Variants in ABCG2 observed in about 807,000 individuals in gnomAD.
ABCG2 encodes ATP binding cassette subfamily G member 2 (JR blood group).
ABCG2 carries 80 observed loss-of-function variants against 73.5 expected under a neutral mutation model. The observed-to-expected ratio is 1.09, with a 90% CI of 0.91 to 1.31. The LOEUF is 1.31. ABCG2 is among the 50% of genes most tolerant of loss of function. The pLI, the probability that ABCG2 is intolerant of heterozygous loss-of-function variation, is 0.00. For missense variants in ABCG2, 796 were observed against 786.2 expected (o/e 1.01, Z -0.15); for synonymous variants, 269 against 282.4 (o/e 0.95, Z 0.48).
intron 1 of ABCG2, among the ~76,000 whole-genome samples, chr4:88,172,653 T>C (rs764693824): frequency 6.6e-6 from 1 of 152,024 alleles, no homozygotes; most frequent in Non-Finnish European, 1.5e-5. Flanking sequence ...TTTTCAATCA[T>C]ACAAAGAATG....
At chr4:88,150,549 T>C (rs555305653) in intron 1 of ABCG2, among the ~76,000 whole-genome samples, 1 of 152,130 alleles carries the variant, frequency 6.6e-6, no homozygotes, top group African/African-American at 2.4e-5. Flanking sequence ...AGAAATGATA[T>C]CTATATTTAA....
chr4:88,113,101 ACT>A (rs1578187465), intron 9 of ABCG2, among the ~76,000 whole-genome samples, 200 bp downstream of exon 9: 1 of 152,098 alleles, frequency 6.6e-6, no homozygotes, highest in Non-Finnish European at 1.5e-5. Context: ...ACAGAGTGAG[ACT>A]CTGTCTCAAA....
intron 1 of ABCG2, among the ~76,000 whole-genome samples, chr4:88,194,124 G>C (rs1417309237): frequency 2.6e-5 from 4 of 152,196 alleles, no homozygotes; most frequent in African/African-American, 9.7e-5. Flanking sequence ...CATAGAAACA[G>C]AGTGCTCTTT....
At chr4:88,184,344 A>G (rs1028027298) in intron 1 of ABCG2, among the ~76,000 whole-genome samples, 7 of 152,196 alleles carry the variant, frequency 4.6e-5, no homozygotes, top group African/African-American at 1.7e-4. Context: ...TAGAACTGAC[A>G]AATTCAGTAA....
intron 1 of ABCG2, among the ~76,000 whole-genome samples, chr4:88,169,577 C>A (rs1219388324): frequency 6.6e-6 from 1 of 152,076 alleles, no homozygotes; most frequent in Non-Finnish European, 1.5e-5. Context: ...CAGTTAAACC[C>A]ATCATCCACA....
chr4:88,200,189 G>A (rs1243942070), intron 1 of ABCG2, among the ~76,000 whole-genome samples: 1 of 151,900 alleles, frequency 6.6e-6, no homozygotes, highest in Non-Finnish European at 1.5e-5. Context: ...AGCCAGGTGT[G>A]GTGACGCACA....
intron 5 of ABCG2, among the ~76,000 whole-genome samples, chr4:88,126,673 A>G (rs2110031942): frequency 1.3e-5 from 2 of 152,362 alleles, no homozygotes; most frequent in East Asian, 3.9e-4. Context: ...CAAATGACGA[A>G]AACCACATGA....
chr4:88,162,027 T>G (rs546237488), upstream of ABCG2, among the ~76,000 whole-genome samples: 1,039 of 152,120 alleles, frequency 6.8e-3, 15 homozygotes, highest in African/African-American at 0.024. Context: ...TTGTTTGTTT[T>G]TTTCTTGTAA....
intron 2 of ABCG2, among the ~76,000 whole-genome samples, chr4:88,137,330 G>A (rs115044116): frequency 6.6e-6 from 1 of 152,234 alleles, no homozygotes; most frequent in South Asian, 2.1e-4. Flanking sequence ...CATCCAGTGG[G>A]GACTGAAGTT....
intron 1 of ABCG2, among the ~76,000 whole-genome samples, chr4:88,188,372 T>A: frequency 6.6e-6 from 1 of 152,152 alleles, no homozygotes; most frequent in East Asian, 1.9e-4. Flanking sequence ...ACTATTTTAA[T>A]TACAATTAAC....
intron 1 of ABCG2, among the ~76,000 whole-genome samples, chr4:88,146,923 G>A (rs142181415): frequency 6.8e-5 from 6 of 88,668 alleles, no homozygotes; most frequent in Non-Finnish European, 8.7e-5. Flanking sequence ...AGGAAGGAAG[G>A]AAGAAGGAAG....
At position 88,174,315 on chromosome 4, in the gene ABCG2, T is replaced by A. The variant is rs752362857; in HGVS notation, c.-19-34301A>T. 3.9e-4 allele frequency among the ~76,000 whole-genome samples: 60 copies of A among 152,244 alleles called. No individual in the cohort carries two copies. The Middle Eastern group carries it at 0.01, about 26-fold the overall frequency. On this transcript the variant is annotated intron_variant, in intron 1 of 15. Coordinates refer to the ABCG2 transcript ENST00000515655. ...TAGGTATTTGTCCTAATGCTTTCCC[T>A]CTCCTTGCTCCCTACTCCCCAACAG... is the stretch of plus-strand genomic sequence containing the variant.
intron 14 of ABCG2, among the ~76,000 whole-genome samples, chr4:88,095,145 T>C (rs1721903456): frequency 6.6e-6 from 1 of 152,230 alleles, no homozygotes; most frequent in Admixed American, 6.5e-5. Context: ...AATATGACTA[T>C]GCTTATTATA....
intron 5 of ABCG2, among the ~76,000 whole-genome samples, chr4:88,126,774 T>C (rs898437438): frequency 1.3e-5 from 2 of 152,168 alleles, no homozygotes; most frequent in Non-Finnish European, 2.9e-5. Flanking sequence ...ATGGAATGTA[T>C]CTCAAAATAA....
At chr4:88,098,685 T>TAGATAGATAGATAGACAGAC (rs1273271669) in intron 12 of ABCG2, among the ~76,000 whole-genome samples, 1 of 151,528 alleles carries the variant, frequency 6.6e-6, no homozygotes, top group African/African-American at 2.4e-5. Context: ...GATAGATAGA[T>TAGATAGATAGATAGACAGAC]AGACAGATAG....
chr4:88,101,818 A>G (rs1722443245), intron 10 of ABCG2, among the ~76,000 whole-genome samples: 1 of 152,228 alleles, frequency 6.6e-6, no homozygotes, highest in Admixed American at 6.5e-5. Flanking sequence ...CTGATCTCAG[A>G]CTTTCAGACT....
intron 1 of ABCG2, among the ~76,000 whole-genome samples, chr4:88,146,946 G>GT (rs1197043723): frequency 5.7e-5 from 7 of 123,480 alleles, no homozygotes; most frequent in Non-Finnish European, 1.2e-4. Context: ...AGGGAGGGAG[G>GT]AAGGGAGGGA....
At chr4:88,229,216 G>A (rs997111678) in intron 1 of ABCG2, among the ~76,000 whole-genome samples, 5 of 152,156 alleles carry the variant, frequency 3.3e-5, no homozygotes, top group South Asian at 2.1e-4. Flanking sequence ...AGAACCCACC[G>A]GAAAGAACCA....
At chr4:88,181,636 TAAG>T (rs1728257901) in intron 1 of ABCG2, among the ~76,000 whole-genome samples, 2 of 151,810 alleles carry the variant, frequency 1.3e-5, no homozygotes, top group South Asian at 4.2e-4. Flanking sequence ...AAGGCTGAGG[TAAG>T]AAGGTCACTT....
Sources: gnomAD v4.1 joint callset for allele counts (sites outside exome capture counted in the v4.1 genomes callset) on GRCh38, gnomAD v4.1.1 for gene constraint, MANE v1.5 for transcripts, NCBI Gene and HGNC (gene_info 2026-07-23, HGNC 2026-07-21) for gene names.